Variants in TOPAZ1 observed in about 807,000 individuals in gnomAD.
TOPAZ1 encodes testis and ovary specific TOPAZ 1, also known as protein TOPAZ1.
A neutral mutation model predicts 172.2 loss-of-function variants in TOPAZ1; 66 were observed. That is an observed-to-expected ratio of 0.38 (90% CI 0.31 to 0.47). The LOEUF is 0.47. Ranked by LOEUF, TOPAZ1 falls within the 20% of genes least tolerant of loss-of-function variation. The probability of loss-of-function intolerance (pLI) is 0.99; values close to 1 mark genes in which losing one functional copy is unlikely to be tolerated. For synonymous variants in TOPAZ1, 681 were observed against 683.9 expected, an observed-to-expected ratio of 1.00 and a Z score of 0.07; for missense variants, 1,822 against 1,972.4, an observed-to-expected ratio of 0.92 and a Z score of 1.44.
chr3:44,275,721 TGG>T, intron 8 of TOPAZ1, among the ~76,000 whole-genome samples: 1 of 152,102 alleles, frequency 6.6e-6, no homozygotes, highest in Non-Finnish European at 1.5e-5. Context: ...TACCCAGTAG[TGG>T]GATTGCTAAA....
Position 44,243,930 on chromosome 3 carries a change from C to T in TOPAZ1, c.1424C>T (p.Ser475Phe). ...TCACGGGAAGACTTAAGAAGTGCAT[C>T]TGAAGAATTGAAGTTAAGCTGTCAG... ...RSSREDLRSA[S>F]EELKLSCQRT... The change falls in exon 2 of 20, where the codon TCT (serine) becomes TTT (phenylalanine). Residue 475 changes from serine to phenylalanine, a missense_variant. Ser to Phe is a radical substitution (Grantham distance 155, BLOSUM62 -2). Transcript: ENST00000309765. 1 of 1,552,290 alleles carries T rather than the reference C, an allele frequency of 6.4e-7. No homozygotes were observed. The highest frequency in any genetic ancestry group is 8.7e-7 in the Non-Finnish European group (1 of 1,147,078).
At chr3:44,264,694 ACTT>A (rs1354960714) in intron 5 of TOPAZ1, among the ~76,000 whole-genome samples, 2 of 152,178 alleles carry the variant, frequency 1.3e-5, no homozygotes, top group Non-Finnish European at 2.9e-5. Flanking sequence ...CAACAGTAGA[ACTT>A]CTTTCAAAAT....
At chr3:44,272,571 C>CT (rs1490669052) in intron 8 of TOPAZ1, among the ~76,000 whole-genome samples, 3 of 151,910 alleles carry the variant, frequency 2.0e-5, no homozygotes, top group East Asian at 3.9e-4. Context: ...CTCTCTTGCC[C>CT]TTTTTTTTGA....
intron 2 of TOPAZ1, among the ~76,000 whole-genome samples, chr3:44,253,061 T>A (rs542729611): frequency 6.6e-6 from 1 of 152,300 alleles, no homozygotes; most frequent in South Asian, 2.1e-4. Context: ...CATGGCTTGG[T>A]GTTCAAATGG....
chr3:44,327,864 C>A (rs973900802), intron 18 of TOPAZ1, among the ~76,000 whole-genome samples: 3 of 152,104 alleles, frequency 2.0e-5, no homozygotes, highest in Non-Finnish European at 4.4e-5. Flanking sequence ...CCTGACTCAG[C>A]CTCCCGAGTT....
intron 18 of TOPAZ1, among the ~76,000 whole-genome samples, chr3:44,327,046 C>T (rs1049672559): frequency 6.6e-6 from 1 of 152,144 alleles, no homozygotes; most frequent in African/African-American, 2.4e-5. Context: ...GGTTAGGAAT[C>T]CAAAATCTGG....
chr3:44,332,020 G>T lies in TOPAZ1; in HGVS notation c.*9G>T. 6.8e-7 allele frequency: 1 copy of T among 1,465,782 alleles called. No homozygotes were observed. Among genetic ancestry groups the T allele is most frequent in the Non-Finnish European group, 9.1e-7 (1 of 1,097,260 alleles). The allele number at this position is 1,465,782 out of a possible 1,614,324, so 90.8% of individuals were successfully genotyped here. ...TTTTCAGTAACCATTAGCTAATAAA[G>T]TCTGCTTTTTTTTTTTTTTTAGTTC... On this transcript the variant is annotated 3_prime_UTR_variant, in exon 20 of 20. Coordinates refer to ENST00000309765, the MANE Select transcript of TOPAZ1 (RefSeq NM_001145030.2).
At chr3:44,314,435 C>T (rs1330280567) in intron 16 of TOPAZ1, among the ~76,000 whole-genome samples, 5 of 152,018 alleles carry the variant, frequency 3.3e-5, no homozygotes, top group African/African-American at 9.7e-5. Flanking sequence ...AACCCCATAA[C>T]GTAGGTAATA....
intron 4 of TOPAZ1, 122 bp downstream of exon 4, chr3:44,256,400 G>T: frequency 1.1e-6 from 1 of 890,634 alleles, no homozygotes; most frequent in Non-Finnish European, 1.6e-6. Flanking sequence ...AAAGAATCAC[G>T]TCACTCTAGC....
intron 2 of TOPAZ1, among the ~76,000 whole-genome samples, chr3:44,251,043 G>A (rs527894017): frequency 6.6e-6 from 1 of 152,124 alleles, no homozygotes; most frequent in East Asian, 1.9e-4. Flanking sequence ...ACAGAATATG[G>A]GTATTTGTAA....
rs1407089328 is a variant in TOPAZ1, at chr3:44,323,202, A to G, written c.4582A>G (p.Lys1528Glu). The G allele has an allele frequency of 6.4e-7, 1 of 1,550,718 alleles. No homozygotes were observed. Among genetic ancestry groups the G allele is most frequent in the East Asian group, 2.4e-5 (1 of 40,824 alleles). The change falls in exon 18 of 20, where the codon AAG becomes GAG. Residue 1528 changes from lysine to glutamate, a missense_variant. This residue lies in a region of TOPAZ1 where 333 missense variants were observed against 481.7 expected (regional missense o/e 0.69). Transcript: ENST00000309765. ...CTCTGTGGCAGAATTCATGATTTCA[A>G]AGAGCATCCCTATTGATTTTTCCTT... ...SSSVAEFMIS[K>E]SIPIDFSFLR...
intron 16 of TOPAZ1, among the ~76,000 whole-genome samples, chr3:44,317,314 A>G (rs4682967): frequency 0.84 from 127,166 of 152,068 alleles, 53,252 homozygotes; most frequent in Middle Eastern, 0.92. Context: ...CCAGCTACTC[A>G]GGAGGCTGAG....
intron 12 of TOPAZ1, among the ~76,000 whole-genome samples, chr3:44,298,999 T>C (rs1452603322): frequency 1.4e-5 from 2 of 137,940 alleles, no homozygotes; most frequent in East Asian, 5.0e-4. Context: ...CTCAGCTCAC[T>C]GCAACCTCCG....
chr3:44,248,760 AAGT>A lies in TOPAZ1; in HGVS notation c.2765+3492_2765+3494del, dbSNP rs768647702. 7.2e-5 allele frequency among the ~76,000 whole-genome samples: 11 copies of A among 152,354 alleles called. No homozygotes were observed. The South Asian group carries it at 1.9e-3, about 26-fold the overall frequency. On this transcript the variant is annotated intron_variant, in intron 2 of 19. Transcript: ENST00000309765. ...ATGAGTTTTTATTTTACAGGAATAA[AAGT>A]AGAAGATGAAAGGGTGAGGCCCATA...
chr3:44,243,288 A>G lies in TOPAZ1; in HGVS notation c.782A>G (p.Lys261Arg). Reference protein sequence around the residue: ...GCMHVAENFSKKENLRSLAEK... With the variant: ...GCMHVAENFSRKENLRSLAEK... Reference sequence around the variant, plus strand: ...ATGCATGTAGCAGAAAATTTCTCAAAGAAAGAAAACCTTAGGAGTCTTGCA... The same window carrying G: ...ATGCATGTAGCAGAAAATTTCTCAAGGAAAGAAAACCTTAGGAGTCTTGCA... Residue 261 changes from lysine to arginine, a missense_variant, in exon 2 of 20, where the codon AAG becomes AGG. Lys to Arg is a conservative substitution (Grantham distance 26, BLOSUM62 2). Around this residue, in one of 2 missense-constraint regions of TOPAZ1, gnomAD observed 1,489 missense variants for 1,490.8 expected, o/e 1.00. Transcript: ENST00000309765. The G allele has an allele frequency of 1.9e-6, 3 of 1,551,576 alleles. No homozygotes were observed. The highest frequency in any genetic ancestry group is 1.7e-6 in the Non-Finnish European group (2 of 1,146,946).
intron 18 of TOPAZ1, among the ~76,000 whole-genome samples, chr3:44,325,968 A>G (rs758715520): frequency 1.1e-4 from 17 of 152,218 alleles, no homozygotes; most frequent in Admixed American, 5.9e-4. Flanking sequence ...TACTTAGCCT[A>G]GTGTTTTCAA....
Position 44,281,954 on chromosome 3 carries a change from C to A in TOPAZ1, c.3373-14C>A. On this transcript the variant is annotated splice_polypyrimidine_tract_variant and intron_variant, in intron 8 of 19. Coordinates refer to ENST00000309765, the MANE Select transcript of TOPAZ1 (RefSeq NM_001145030.2). The stretch of plus-strand genomic sequence containing the variant: ...TTAAAAAAGGTAGTTTTACATTTTT[C>A]GTGACTTTTGCAGGTTTGCATGGAT... 1 of 1,517,338 alleles carries A rather than the reference C, an allele frequency of 6.6e-7. No individual in the cohort carries two copies. The highest frequency in any genetic ancestry group is 8.9e-7 in the Non-Finnish European group (1 of 1,122,834). The allele number at this position is 1,517,338 out of a possible 1,614,324, so 94.0% of individuals were successfully genotyped here.
At chr3:44,318,155 C>CTTAAA (rs3076419) in intron 16 of TOPAZ1, among the ~76,000 whole-genome samples, 125,510 of 151,708 alleles carry the variant, frequency 0.83, 51,970 homozygotes, top group Middle Eastern at 0.9. Flanking sequence ...CTGGGGGCTC[C>CTTAAA]ACCTACTGAG....
chr3:44,325,919 A>G (rs555901069), intron 18 of TOPAZ1, among the ~76,000 whole-genome samples: 117 of 152,278 alleles, frequency 7.7e-4, no homozygotes, highest in South Asian at 2.3e-3. Flanking sequence ...CTGCGATTAC[A>G]TGCGTGAGCC....
Sources: gnomAD v4.1 joint callset for allele counts (sites outside exome capture counted in the v4.1 genomes callset) on GRCh38, gnomAD v4.1.1 for gene constraint, gnomAD v4.1.1 regional missense constraint, MANE v1.5 for transcripts, NCBI Gene and HGNC (gene_info 2026-07-23, HGNC 2026-07-21) for gene names.